Variants in HIVEP3 observed in about 807,000 individuals in gnomAD.
HIVEP3 encodes the protein transcription factor HIVEP3.
Under a neutral mutation model 152.8 loss-of-function variants are expected in HIVEP3, and 49 were observed. The ratio of observed to expected loss-of-function variants is 0.32; its 90% confidence interval spans 0.26 to 0.41. The LOEUF (loss-of-function observed/expected upper bound fraction) is 0.41, where lower values mean the gene tolerates loss of function less well. Among genes scored for constraint, HIVEP3 ranks in the 10% least tolerant of loss-of-function variants. The pLI is 1.00. For missense variants in HIVEP3, 2,790 were observed against 3,103.3 expected, an observed-to-expected ratio of 0.90 and a Z score of 2.40; for synonymous variants, 1,269 against 1,289.0, an observed-to-expected ratio of 0.98 and a Z score of 0.33.
At chr1:41,568,507 G>A (rs1042637083) in intron 5 of HIVEP3, among the ~76,000 whole-genome samples, 1 of 152,222 alleles carries the variant, frequency 6.6e-6, no homozygotes, top group Non-Finnish European at 1.5e-5. Context: ...GGAGCGGCAG[G>A]GTGTGTGGAC....
chr1:41,907,426 CA>C (rs1325014849), intron 1 of HIVEP3, among the ~76,000 whole-genome samples: 1 of 152,192 alleles, frequency 6.6e-6, no homozygotes, highest in Non-Finnish European at 1.5e-5. Context: ...AACCCTTCAC[CA>C]ACCAGTGCCC....
chr1:41,872,443 A>G (rs1181879631), intron 1 of HIVEP3, among the ~76,000 whole-genome samples: 1 of 152,172 alleles, frequency 6.6e-6, no homozygotes, highest in Non-Finnish European at 1.5e-5. Context: ...CTACCTATTA[A>G]GCTAGGTTGC....
At chr1:41,649,661 G>A (rs905879072) in intron 2 of HIVEP3, among the ~76,000 whole-genome samples, 2 of 152,204 alleles carry the variant, frequency 1.3e-5, no homozygotes, top group Admixed American at 6.5e-5. Context: ...CCTCCCCTTA[G>A]ATGGGGAGAG....
chr1:41,530,169 T>G (rs1643202641), intron 5 of HIVEP3, among the ~76,000 whole-genome samples: 1 of 152,268 alleles, frequency 6.6e-6, no homozygotes, highest in Non-Finnish European at 1.5e-5. Flanking sequence ...CTGCCCCTTC[T>G]CCACCATGGC....
At chr1:42,021,525 C>G (rs1046602780) in intron 1 of HIVEP3, among the ~76,000 whole-genome samples, 2 of 152,004 alleles carry the variant, frequency 1.3e-5, no homozygotes, top group African/African-American at 4.8e-5. Context: ...CACTTCAGAT[C>G]CGTTTATACA....
At chr1:41,573,163 A>G (rs1428449350) in intron 5 of HIVEP3, among the ~76,000 whole-genome samples, 2 of 152,238 alleles carry the variant, frequency 1.3e-5, no homozygotes, top group Non-Finnish European at 2.9e-5. Flanking sequence ...AAAGAAAAAA[A>G]AGGAAGAACT....
intron 1 of HIVEP3, among the ~76,000 whole-genome samples, chr1:41,738,059 G>C (rs886177713): frequency 5.3e-5 from 8 of 152,348 alleles, no homozygotes; most frequent in Middle Eastern, 3.4e-3. Flanking sequence ...GGCCAGAGCT[G>C]GTAGCACTGA....
intron 5 of HIVEP3, among the ~76,000 whole-genome samples, chr1:41,561,679 ATTT>A (rs56969476): frequency 3.1e-5 from 4 of 127,078 alleles, no homozygotes; most frequent in African/African-American, 1.2e-4. Context: ...TGCCCAGCTA[ATTT>A]TTTTTTTTTT....
At chr1:41,920,152 T>C (rs1305691205), upstream of HIVEP3, among the ~76,000 whole-genome samples, 1 of 152,152 alleles carries the variant, frequency 6.6e-6, no homozygotes, top group Non-Finnish European at 1.5e-5. Context: ...CAGGGCCCTT[T>C]GGCAGAAAAT....
intron 2 of HIVEP3, among the ~76,000 whole-genome samples, chr1:41,663,569 A>T (rs962617467): frequency 6.6e-6 from 1 of 152,164 alleles, no homozygotes; most frequent in Non-Finnish European, 1.5e-5. Flanking sequence ...GTGCCTTTAT[A>T]CAACAGCCTC....
At chr1:41,888,344 G>A (rs185422123) in intron 1 of HIVEP3, among the ~76,000 whole-genome samples, 56 of 150,992 alleles carry the variant, frequency 3.7e-4, no homozygotes, top group East Asian at 3.3e-3. Flanking sequence ...GAGCCACCAC[G>A]CCCGGCCTAG....
At chr1:41,861,078 G>A (rs1410725780) in intron 1 of HIVEP3, among the ~76,000 whole-genome samples, 1 of 152,208 alleles carries the variant, frequency 6.6e-6, no homozygotes. Context: ...GGTGGGTGGT[G>A]GTTAAAAGCT....
chr1:41,638,041 T>C (rs1645304280), intron 2 of HIVEP3, among the ~76,000 whole-genome samples: 1 of 152,124 alleles, frequency 6.6e-6, no homozygotes, highest in Non-Finnish European at 1.5e-5. Flanking sequence ...TAATAGACGC[T>C]GGAGGCTCTG....
intron 2 of HIVEP3, among the ~76,000 whole-genome samples, chr1:41,678,307 A>G (rs1376581899): frequency 2.6e-5 from 4 of 152,134 alleles, no homozygotes; most frequent in Non-Finnish European, 5.9e-5. Flanking sequence ...GCGACAATGC[A>G]TTAGGCAGCT....
chr1:41,525,872 G>A (rs1366312904), intron 5 of HIVEP3, among the ~76,000 whole-genome samples: 3 of 152,124 alleles, frequency 2.0e-5, no homozygotes, highest in Admixed American at 1.3e-4. Flanking sequence ...CCAGGAGAGG[G>A]GACCCTGGCA....
At chr1:41,786,600 G>A (rs1203631477) in intron 1 of HIVEP3, among the ~76,000 whole-genome samples, 3 of 152,182 alleles carry the variant, frequency 2.0e-5, no homozygotes, top group Admixed American at 1.3e-4. Flanking sequence ...CAGCCCTACA[G>A]CGGCTGCATT....
chr1:41,535,091 G>C (rs888094237), intron 5 of HIVEP3, among the ~76,000 whole-genome samples: 6 of 152,140 alleles, frequency 3.9e-5, no homozygotes, highest in Non-Finnish European at 7.4e-5. Flanking sequence ...AGGCCCAGTG[G>C]GTTCATTGAC....
rs560319958 is a variant in HIVEP3 at position 41,592,141 on chromosome 1, T to G, written c.-521-6823A>C. On this transcript the variant is annotated intron_variant, in intron 3 of 8. Coordinates refer to ENST00000372583, the MANE Select transcript of HIVEP3 (RefSeq NM_024503.5). ...AGCCGGCTGCCTCCCTGGCTTGCTT[T>G]CTTCAACTTTCTCTGGGGGTTGGTC... 1.2e-4 allele frequency among the ~76,000 whole-genome samples: 19 copies of G among 152,296 alleles called. No individual in the cohort carries two copies. In the East Asian group the frequency reaches 3.3e-3, roughly 26 times the overall value.
chr1:41,514,493 A>G (rs1342345328), intron 7 of HIVEP3, among the ~76,000 whole-genome samples: 1 of 152,230 alleles, frequency 6.6e-6, no homozygotes, highest in Non-Finnish European at 1.5e-5. Flanking sequence ...GGCATCTGGC[A>G]GGTGGCGGAC....
Sources: allele counts gnomAD v4.1 joint callset (sites outside exome capture counted in the v4.1 genomes callset), GRCh38; gene constraint gnomAD v4.1.1; transcripts MANE v1.5; gene names NCBI Gene and HGNC (gene_info 2026-07-23, HGNC 2026-07-21).